The following CADM2 variants were observed in gnomAD, a reference collection of about 807,000 sequenced individuals.
CADM2 encodes immunoglobulin superfamily member 4D.
CADM2 carries 12 observed loss-of-function variants against 49.8 expected under a neutral mutation model. The ratio of observed to expected loss-of-function variants is 0.24; its 90% confidence interval spans 0.15 to 0.39. The LOEUF (loss-of-function observed/expected upper bound fraction) is 0.39, where lower values mean the gene tolerates loss of function less well. Among genes scored for constraint, CADM2 ranks in the 10% least tolerant of loss-of-function variants. The probability of loss-of-function intolerance (pLI) is 1.00; values close to 1 mark genes in which losing one functional copy is unlikely to be tolerated. For missense variants in CADM2, 378 were observed against 492.3 expected, an observed-to-expected ratio of 0.77 and a Z score of 2.20; for synonymous variants, 214 against 175.4, an observed-to-expected ratio of 1.22 and a Z score of -1.74.
intron 1 of CADM2, among the ~76,000 whole-genome samples, chr3:85,680,721 C>G (rs1371131957): frequency 6.6e-6 from 1 of 152,140 alleles, no homozygotes; most frequent in Non-Finnish European, 1.5e-5. Context: ...AAATATCTCT[C>G]TAATTAGCAC....
intron 1 of CADM2, among the ~76,000 whole-genome samples, chr3:85,307,353 T>C (rs2044238794): frequency 6.6e-6 from 1 of 151,708 alleles, no homozygotes; most frequent in Non-Finnish European, 1.5e-5. Context: ...GCTGTTATAC[T>C]TGGCCTGATG....
At chr3:85,979,234 AG>A in intron 8 of CADM2, 1 of 1,610,914 alleles carries the variant, frequency 6.2e-7, no homozygotes, top group Non-Finnish European at 8.5e-7. Flanking sequence ...CAACCACTGT[AG>A]CCATAACAAC....
intron 3 of CADM2, among the ~76,000 whole-genome samples, chr3:85,865,207 C>T (rs1033828182): frequency 3.3e-5 from 5 of 152,196 alleles, no homozygotes; most frequent in African/African-American, 1.2e-4. Context: ...GCCCTGGCTT[C>T]AAGAACTTTC....
At chr3:85,515,631 A>ATATATATATTTTTT (rs1159969286) in intron 1 of CADM2, among the ~76,000 whole-genome samples, 5 of 118,402 alleles carry the variant, frequency 4.2e-5, no homozygotes, top group East Asian at 2.3e-4. Flanking sequence ...ATATATATAT[A>ATATATATATTTTTT]TTTTTTTTTT....
chr3:85,150,838 G>C (rs368870909), intron 1 of CADM2, among the ~76,000 whole-genome samples: 1 of 151,850 alleles, frequency 6.6e-6, no homozygotes, highest in South Asian at 2.1e-4. Flanking sequence ...CAACCCAAGA[G>C]GCAGAGGTTG....
At chr3:85,678,781 T>C (rs2065956632) in intron 1 of CADM2, among the ~76,000 whole-genome samples, 1 of 152,210 alleles carries the variant, frequency 6.6e-6, no homozygotes, top group African/African-American at 2.4e-5. Context: ...TAGATGACTC[T>C]TATATGCTGG....
intron 1 of CADM2, among the ~76,000 whole-genome samples, chr3:85,640,382 T>A (rs2064671909): frequency 6.6e-6 from 1 of 152,110 alleles, no homozygotes; most frequent in Admixed American, 6.5e-5. Flanking sequence ...ACTCAAAATT[T>A]AAAAAAATGT....
chr3:85,106,341 GC>G (rs1172234756), intron 1 of CADM2, among the ~76,000 whole-genome samples: 2 of 152,084 alleles, frequency 1.3e-5, no homozygotes, highest in Non-Finnish European at 2.9e-5. Flanking sequence ...GCTAATAGTA[GC>G]ACAAAAGGCA....
intron 1 of CADM2, among the ~76,000 whole-genome samples, chr3:85,030,578 C>T (rs1031049767): frequency 6.6e-6 from 1 of 152,110 alleles, no homozygotes; most frequent in African/African-American, 2.4e-5. Context: ...AATTGCCATG[C>T]CATCTACTTA....
intron 1 of CADM2, among the ~76,000 whole-genome samples, chr3:85,349,749 A>G (rs2031144770): frequency 1.3e-5 from 2 of 152,190 alleles, no homozygotes; most frequent in Non-Finnish European, 2.9e-5. Context: ...AGAACAGAGA[A>G]CCTTGCAAAA....
chr3:86,028,340 G>T (rs532775350), intron 8 of CADM2, among the ~76,000 whole-genome samples: 6 of 151,792 alleles, frequency 4.0e-5, no homozygotes, highest in Admixed American at 3.3e-4. Context: ...TCCAGTAAAT[G>T]AAAACACAAA....
chr3:85,131,348 A>G (rs947540476), intron 1 of CADM2, among the ~76,000 whole-genome samples: 2 of 152,246 alleles, frequency 1.3e-5, no homozygotes, highest in East Asian at 1.9e-4. Flanking sequence ...TATGTAAGTT[A>G]TCTCTATAGT....
At chr3:85,804,944 T>G (rs954974764) in intron 3 of CADM2, among the ~76,000 whole-genome samples, 2 of 152,160 alleles carry the variant, frequency 1.3e-5, no homozygotes, top group South Asian at 4.1e-4. Context: ...GTATGCACTT[T>G]TTTTTTGGTT....
At chr3:85,483,643 T>C (rs1389702040) in intron 1 of CADM2, among the ~76,000 whole-genome samples, 1 of 150,270 alleles carries the variant, frequency 6.7e-6, no homozygotes, top group Non-Finnish European at 1.5e-5. Context: ...AGTCAAGTTA[T>C]ATATATGTAA....
At chr3:85,897,261 TTTTTTTTTTTTTTTTTTTTG>T (rs1715352239) in intron 5 of CADM2, among the ~76,000 whole-genome samples, 1 of 91,156 alleles carries the variant, frequency 1.1e-5, no homozygotes, top group African/African-American at 6.1e-5. Flanking sequence ...TTTTTTTTTT[TTTTTTTTTTTTTTTTTTTTG>T]AGACGGAGTC....
Position 85,579,947 on chromosome 3 carries a change from A to T in CADM2, c.62-146575A>T, listed in dbSNP as rs911794124. On this transcript the variant is annotated intron_variant, in intron 1 of 9. Transcript: ENST00000383699. ...AGAAAATGTATATGTTTACATACAC[A>T]TATGGGAAGAAGTCATGACACAGAT... 1.1e-4 allele frequency among the ~76,000 whole-genome samples: 17 copies of T among 152,184 alleles called. 1 individual carries two copies. Among genetic ancestry groups the T allele is most frequent in the Admixed American group, 9.2e-4 (14 of 15,270 alleles).
chr3:85,488,530 G>A (rs564392394), intron 1 of CADM2, among the ~76,000 whole-genome samples: 2 of 151,716 alleles, frequency 1.3e-5, no homozygotes, highest in Non-Finnish European at 2.9e-5. Flanking sequence ...TTTTTGTTTT[G>A]TTTTGTTTTG....
At chr3:85,363,664 T>A (rs184368840) in intron 1 of CADM2, among the ~76,000 whole-genome samples, 1 of 152,234 alleles carries the variant, frequency 6.6e-6, no homozygotes, top group Non-Finnish European at 1.5e-5. Flanking sequence ...CAGGCTGGAG[T>A]GCAGTGGCTC....
chr3:85,450,213 AT>A (rs763456766), intron 1 of CADM2, among the ~76,000 whole-genome samples: 2 of 151,772 alleles, frequency 1.3e-5, no homozygotes, highest in African/African-American at 2.4e-5. Flanking sequence ...ATCCGGAGTG[AT>A]TTTTTTTTAA....
Sources: allele counts gnomAD v4.1 joint callset (sites outside exome capture counted in the v4.1 genomes callset), GRCh38; gene constraint gnomAD v4.1.1; transcripts MANE v1.5; gene names NCBI Gene and HGNC (gene_info 2026-07-23, HGNC 2026-07-21).